The following SRD5A3 variants were observed in gnomAD, a reference collection of about 807,000 sequenced individuals.
SRD5A3 encodes the protein steroid 5 alpha-reductase 3.
A neutral mutation model predicts 34.3 loss-of-function variants in SRD5A3; 24 were observed. The observed-to-expected ratio is 0.70, with a 90% CI of 0.51 to 0.99. The LOEUF (loss-of-function observed/expected upper bound fraction) is 0.99, where lower values mean the gene tolerates loss of function less well. Ranked by LOEUF, SRD5A3 falls within the 50% of genes least tolerant of loss-of-function variation. The pLI, the probability that SRD5A3 is intolerant of heterozygous loss-of-function variation, is 0.00. For synonymous variants in SRD5A3, 161 were observed against 167.3 expected (o/e 0.96, Z 0.29); for missense variants, 350 against 388.2 (o/e 0.90, Z 0.83).
At chr4:55,368,662 G>A (rs538678291) in intron 4 of SRD5A3, among the ~76,000 whole-genome samples, 1 of 151,916 alleles carries the variant, frequency 6.6e-6, no homozygotes, top group Non-Finnish European at 1.5e-5. Context: ...CTGACCTCAG[G>A]TGATCCACCC....
Position 55,371,555 on chromosome 4 carries a change from A to G in SRD5A3, c.*1464A>G, listed in dbSNP as rs1720126431. 1 of 152,226 alleles carries G rather than the reference A, an allele frequency of 6.6e-6. No homozygotes were observed. Among genetic ancestry groups the G allele is most frequent in the Non-Finnish European group, 1.5e-5 (1 of 68,046 alleles). 9.4% of individuals were successfully genotyped at this position (152,226 alleles called of 1,614,324 possible). On this transcript the variant is annotated 3_prime_UTR_variant, in exon 5 of 5. Coordinates refer to ENST00000264228, the MANE Select transcript of SRD5A3 (RefSeq NM_024592.5). ...ATATGTACTTTGCTATGGGGGAAAG[A>G]ACCTTATGATTAATAAGACACATAT... is the stretch of plus-strand genomic sequence containing the variant.
intron 1 of SRD5A3, among the ~76,000 whole-genome samples, chr4:55,358,364 CTA>C (rs1719548884): frequency 6.6e-6 from 1 of 151,822 alleles, no homozygotes; most frequent in African/African-American, 2.4e-5. Flanking sequence ...GATCACATCT[CTA>C]TAAAAAGTTT....
At chr4:55,354,508 C>A (rs1442936886) in intron 1 of SRD5A3, among the ~76,000 whole-genome samples, 1 of 152,200 alleles carries the variant, frequency 6.6e-6, no homozygotes, top group East Asian at 1.9e-4. Context: ...CACTACCTTA[C>A]TGACTTTGTC....
At chr4:55,358,535 CAAAAAAAA>C (rs576702969) in intron 1 of SRD5A3, among the ~76,000 whole-genome samples, 1 of 112,800 alleles carries the variant, frequency 8.9e-6, no homozygotes, top group African/African-American at 3.4e-5. Flanking sequence ...GACCCTGTCT[CAAAAAAAA>C]AAAAAAAAAA....
At chr4:55,368,344 G>A (rs1000291769) in intron 4 of SRD5A3, among the ~76,000 whole-genome samples, 6 of 148,676 alleles carry the variant, frequency 4.0e-5, no homozygotes, top group African/African-American at 9.9e-5. Context: ...ACGCCACTGC[G>A]CTCCAGCTTG....
chr4:55,369,744 A>G, intron 4 of SRD5A3, 88 bp from the exon 5 acceptor site: 1 of 1,553,198 alleles, frequency 6.4e-7, no homozygotes, highest in Non-Finnish European at 8.8e-7. Context: ...AAAAAAAAAA[A>G]AAATTCTGTA....
At chr4:55,351,386 T>C (rs1240755727) in intron 1 of SRD5A3, among the ~76,000 whole-genome samples, 1 of 152,122 alleles carries the variant, frequency 6.6e-6, no homozygotes, top group African/African-American at 2.4e-5. Flanking sequence ...CTAACATTTT[T>C]ATGAGACAAA....
At position 55,372,230 on chromosome 4, in the gene SRD5A3, C is replaced by G. The variant is rs1204326205; in HGVS notation, c.*2139C>G. 6.6e-6 allele frequency: 1 copy of G among 152,082 alleles called. No individual in the cohort carries two copies. The highest frequency in any genetic ancestry group is 2.4e-5 in the African/African-American group (1 of 41,416). 9.4% of individuals were successfully genotyped at this position (152,082 alleles called of 1,614,324 possible). A position where few individuals can be genotyped will look rare whatever the true frequency, so the allele number is the denominator to read the frequency against. On this transcript the variant is annotated 3_prime_UTR_variant, in exon 5 of 5. Transcript: ENST00000264228. ...GAAAAATGTATTTTATTTTAGCATG[C>G]AATTTTATGCCCAGGTTAGACTAGA...
At chr4:55,362,881 C>T (rs955334102) in intron 2 of SRD5A3, among the ~76,000 whole-genome samples, 1 of 144,862 alleles carries the variant, frequency 6.9e-6, no homozygotes, top group Non-Finnish European at 1.5e-5. Flanking sequence ...GAGTCTTGCT[C>T]TATCTCCCAG....
At chr4:55,346,727 C>T (rs1373976353) in intron 1 of SRD5A3, among the ~76,000 whole-genome samples, 170 bp downstream of exon 1, 1 of 152,126 alleles carries the variant, frequency 6.6e-6, no homozygotes. Context: ...GGCCATGCCC[C>T]GGCTGCTGCG....
chr4:55,346,455 T>A lies in SRD5A3; in HGVS notation c.119T>A (p.Leu40His). The A allele has an allele frequency of 6.2e-7, 1 of 1,607,426 alleles. No individual in the cohort carries two copies. The highest frequency in any genetic ancestry group is 8.5e-7 in the Non-Finnish European group (1 of 1,177,612). ...LLLQLLPPGL[L>H]PGCAIFQDLI... ...CTGCAGCTCCTGCCGCCCGGCCTGC[T>A]CCCGGGCTGCGCGATCTTCCAGGAC... The change falls in exon 1 of 5, where the codon CTC becomes CAC. Residue 40 changes from leucine (L) to histidine (H), a missense_variant. Leu to His is a moderately conservative substitution (Grantham distance 99, BLOSUM62 -3). This residue lies in a region of SRD5A3 where 159 missense variants were observed against 149.1 expected (regional missense o/e 1.07). Transcript: ENST00000264228.
At chr4:55,356,776 C>G (rs560358308) in intron 1 of SRD5A3, among the ~76,000 whole-genome samples, 39 of 152,084 alleles carry the variant, frequency 2.6e-4, no homozygotes, top group African/African-American at 9.4e-4. Context: ...ATGGCGCGAT[C>G]TTGGCTCACT....
At chr4:55,365,170 T>C (rs549599328) in intron 3 of SRD5A3, among the ~76,000 whole-genome samples, 31 of 152,300 alleles carry the variant, frequency 2.0e-4, no homozygotes, top group African/African-American at 6.5e-4. Context: ...GTAATGACCA[T>C]TGTCTCTAAA....
At chr4:55,359,724 C>A (rs1719606754) in intron 2 of SRD5A3, among the ~76,000 whole-genome samples, 1 of 152,176 alleles carries the variant, frequency 6.6e-6, no homozygotes, top group Non-Finnish European at 1.5e-5. Context: ...TCCTGACTTC[C>A]CAGCAAGTGC....
chr4:55,358,070 T>C (rs527294312), intron 1 of SRD5A3, among the ~76,000 whole-genome samples: 1 of 152,314 alleles, frequency 6.6e-6, no homozygotes, highest in South Asian at 2.1e-4. Flanking sequence ...TTGTCTTTTA[T>C]TGTCACAGAC....
chr4:55,365,561 G>A (rs66630638), intron 3 of SRD5A3: 28,829 of 152,178 alleles, frequency 0.19, 2,942 homozygotes, highest in African/African-American at 0.23. Context: ...TTTGCAGAGC[G>A]CTTGGTGACT....
At chr4:55,348,688 C>A (rs1719082772) in intron 1 of SRD5A3, among the ~76,000 whole-genome samples, 1 of 152,308 alleles carries the variant, frequency 6.6e-6, no homozygotes, top group Admixed American at 6.5e-5. Context: ...TTAATCCTCA[C>A]AGTGGACCTG....
At chr4:55,353,441 GCACTCTGTAAAATGGACCA>G (rs1719277328) in intron 1 of SRD5A3, among the ~76,000 whole-genome samples, 1 of 152,164 alleles carries the variant, frequency 6.6e-6, no homozygotes, top group Non-Finnish European at 1.5e-5. Flanking sequence ...GGACCAATCA[GCACTCTGTAAAATGGACCA>G]ATCAGCAGGA....
chr4:55,366,521 A>C (rs2109483375), intron 3 of SRD5A3: 1 of 152,320 alleles, frequency 6.6e-6, no homozygotes, highest in East Asian at 1.9e-4. Context: ...TTAAATGGCT[A>C]AACTTGTAAA....
Sources: allele counts gnomAD v4.1 joint callset (sites outside exome capture counted in the v4.1 genomes callset), GRCh38; gene constraint gnomAD v4.1.1; regional missense constraint gnomAD v4.1.1; transcripts MANE v1.5; gene names NCBI Gene and HGNC (gene_info 2026-07-23, HGNC 2026-07-21).